Variants in GPCPD1 observed in about 807,000 individuals in gnomAD.
GPCPD1 encodes the protein glycerophosphocholine phosphodiesterase GPCPD1.
GPCPD1 carries 29 observed loss-of-function variants against 89.2 expected under a neutral mutation model. The observed-to-expected ratio is 0.33, with a 90% confidence interval of 0.24 to 0.44. GPCPD1 has a LOEUF of 0.44. GPCPD1 is among the 20% of genes least tolerant of loss of function. GPCPD1 has a pLI of 1.00. For synonymous variants in GPCPD1, 258 were observed against 266.3 expected, an observed-to-expected ratio of 0.97 and a Z score of 0.30; for missense variants, 594 against 808.9, an observed-to-expected ratio of 0.73 and a Z score of 3.22.
chr20:5,549,278 G>A, intron 19 of GPCPD1: 1 of 875,064 alleles, frequency 1.1e-6, no homozygotes, highest in East Asian at 2.8e-5. Context: ...TGATATATGT[G>A]CAGCTGTTCT....
At chr20:5,606,268 A>G (rs1051746465) in intron 1 of GPCPD1, among the ~76,000 whole-genome samples, 2 of 152,126 alleles carry the variant, frequency 1.3e-5, no homozygotes, top group South Asian at 4.1e-4. Context: ...ATTCTACATC[A>G]TAACTTCTCC....
rs1042748875 is a variant in GPCPD1 at position 5,547,023 on chromosome 20, T to C, written c.*638A>G. The C allele has an allele frequency of 6.6e-6, 1 of 152,640 alleles. No individual in the cohort carries two copies. Among genetic ancestry groups the C allele is most frequent in the African/African-American group, 2.4e-5 (1 of 41,464 alleles). 9.5% of individuals were successfully genotyped at this position (152,640 alleles called of 1,614,324 possible). On this transcript the variant is annotated 3_prime_UTR_variant, in exon 20 of 20. Transcript: ENST00000379019. ...CTGCAGCATTTTGAAATTTTAACAT[T>C]GATGTAAAACAACTTTTGAAAGATT...
chr20:5,566,688 A>G (rs1986409650), intron 14 of GPCPD1, 45 bp downstream of exon 14: 1 of 1,158,234 alleles, frequency 8.6e-7, no homozygotes, highest in South Asian at 1.2e-5. Context: ...AATCCTATTA[A>G]TGCTAACTAC....
intron 15 of GPCPD1, among the ~76,000 whole-genome samples, chr20:5,562,470 A>G (rs1986141789): frequency 6.6e-6 from 1 of 152,054 alleles, no homozygotes; most frequent in Admixed American, 6.6e-5. Flanking sequence ...TTTAGTAGTG[A>G]TGGGTTTCAC....
chr20:5,569,112 C>T (rs1986561865), intron 12 of GPCPD1, among the ~76,000 whole-genome samples: 1 of 150,686 alleles, frequency 6.6e-6, no homozygotes, highest in African/African-American at 2.4e-5. Flanking sequence ...CCCCTCCCCT[C>T]CCCTTCCTTC....
chr20:5,564,209 A>ATT lies in GPCPD1; in HGVS notation c.1329+806_1329+807dup, dbSNP rs532776771. On this transcript the variant is annotated intron_variant, in intron 15 of 19. Coordinates refer to ENST00000379019, the MANE Select transcript of GPCPD1 (RefSeq NM_019593.5). ...CATGCTAGTTTTTGTGTGAAGATCT[A>ATT]TTTTTTCAGAGTGAATTTCTGAAAT... 3.6e-4 allele frequency among the ~76,000 whole-genome samples: 55 copies of ATT among 151,918 alleles called. 2 individuals are homozygous for ATT. The South Asian group carries it at 0.011, about 30-fold the overall frequency.
chr20:5,575,324 C>A (rs1267624593), intron 10 of GPCPD1, 89 bp downstream of exon 10: 2 of 898,534 alleles, frequency 2.2e-6, no homozygotes, highest in East Asian at 5.2e-5. Flanking sequence ...ATAATAAAAA[C>A]ATCATTTGAC....
At chr20:5,566,696 T>A (rs1354186651) in intron 14 of GPCPD1, 37 bp downstream of exon 14, 1 of 1,303,806 alleles carries the variant, frequency 7.7e-7, no homozygotes, top group Non-Finnish European at 1.1e-6. Flanking sequence ...TAATGCTAAC[T>A]ACAAAAGGAA....
At chr20:5,598,940 C>G (rs1271696575) in intron 2 of GPCPD1, 119 bp from the exon 3 acceptor site, 2 of 692,232 alleles carry the variant, frequency 2.9e-6, no homozygotes, top group Non-Finnish European at 2.6e-6. Context: ...GATGAAAGAG[C>G]CTCACTAGAT....
intron 17 of GPCPD1, among the ~76,000 whole-genome samples, chr20:5,559,655 T>G (rs905739450): frequency 2.6e-5 from 4 of 152,170 alleles, no homozygotes; most frequent in Admixed American, 6.5e-5. Flanking sequence ...TTCTCAGATA[T>G]CGGCAGTGAT....
chr20:5,599,329 G>A (rs1198937603), intron 2 of GPCPD1, among the ~76,000 whole-genome samples: 1 of 151,956 alleles, frequency 6.6e-6, no homozygotes, highest in African/African-American at 2.4e-5. Context: ...GTGGGCGTGT[G>A]GGGGCAGATG....
chr20:5,561,218 A>T (rs866371016), intron 16 of GPCPD1, among the ~76,000 whole-genome samples: 12 of 152,232 alleles, frequency 7.9e-5, no homozygotes, highest in Non-Finnish European at 1.3e-4. Context: ...AAACCACCAT[A>T]TTGTTCACAC....
chr20:5,590,359 G>A (rs540350939), intron 4 of GPCPD1, among the ~76,000 whole-genome samples: 3 of 151,586 alleles, frequency 2.0e-5, no homozygotes, highest in South Asian at 2.1e-4. Context: ...TGGCTAACAC[G>A]GCAAAACCCT....
chr20:5,589,715 C>G, intron 4 of GPCPD1, among the ~76,000 whole-genome samples: 1 of 152,160 alleles, frequency 6.6e-6, no homozygotes, highest in Non-Finnish European at 1.5e-5. Context: ...ATTGTACATG[C>G]AATACTTTCT....
At chr20:5,591,219 T>C (rs1002984979) in intron 4 of GPCPD1, among the ~76,000 whole-genome samples, 1 of 152,230 alleles carries the variant, frequency 6.6e-6, no homozygotes, top group Non-Finnish European at 1.5e-5. Flanking sequence ...ACACCTTATC[T>C]TAATTCACAA....
At chr20:5,557,263 G>A (rs1985828021) in intron 19 of GPCPD1, among the ~76,000 whole-genome samples, 2 of 152,160 alleles carry the variant, frequency 1.3e-5, no homozygotes. Context: ...TCTCACTACT[G>A]TACTAAGAAT....
chr20:5,597,238 G>T (rs990218960), intron 3 of GPCPD1, among the ~76,000 whole-genome samples: 10 of 152,120 alleles, frequency 6.6e-5, no homozygotes, highest in African/African-American at 2.2e-4. Context: ...GGAGTTCTGT[G>T]TTTTTTAATT....
At chr20:5,604,338 GT>G (rs1323821134) in intron 2 of GPCPD1, 25 bp downstream of exon 2, 4 of 1,163,646 alleles carry the variant, frequency 3.4e-6, no homozygotes, top group Non-Finnish European at 5.1e-6. Context: ...AATTTTAATT[GT>G]TTTAAAGTAA....
intron 19 of GPCPD1, chr20:5,549,609 A>T: frequency 1.8e-6 from 1 of 550,876 alleles, no homozygotes. Flanking sequence ...TTTAATTTCC[A>T]TCCAAATGTT....
Sources: allele counts gnomAD v4.1 joint callset (sites outside exome capture counted in the v4.1 genomes callset), GRCh38; gene constraint gnomAD v4.1.1; transcripts MANE v1.5; gene names NCBI Gene and HGNC (gene_info 2026-07-23, HGNC 2026-07-21).